NFATC1: variants seen among roughly 807,000 people sequenced by gnomAD.
NFATC1 encodes the protein nuclear factor of activated T cells 1, also known as nuclear factor of activated T-cells, cytoplasmic 1.
Under a neutral mutation model 76.0 loss-of-function variants are expected in NFATC1, and 22 were observed. The ratio of observed to expected loss-of-function variants is 0.29; its 90% confidence interval spans 0.21 to 0.41. The LOEUF (loss-of-function observed/expected upper bound fraction) is 0.41. Ranked by LOEUF, NFATC1 falls within the 10% of genes least tolerant of loss-of-function variation. The pLI is 1.00. For missense variants in NFATC1, 1,357 were observed against 1,337.7 expected (o/e 1.01, Z -0.23); for synonymous variants, 704 against 613.1 (o/e 1.15, Z -2.19).
chr18:79,522,727 G>C (rs1208473237), intron 9 of NFATC1, among the ~76,000 whole-genome samples: 2 of 152,152 alleles, frequency 1.3e-5, no homozygotes, highest in Non-Finnish European at 2.9e-5. Context: ...GGCCAGATTT[G>C]GAGGAGAGAG....
intron 9 of NFATC1, among the ~76,000 whole-genome samples, chr18:79,494,148 C>G (rs552199375): frequency 6.6e-6 from 1 of 152,258 alleles, no homozygotes; most frequent in African/African-American, 2.4e-5. Context: ...CGAGAAAACT[C>G]GCTGCCACCT....
At chr18:79,483,616 TC>T (rs1447070656) in intron 8 of NFATC1, among the ~76,000 whole-genome samples, 1 of 134,724 alleles carries the variant, frequency 7.4e-6, no homozygotes, top group Non-Finnish European at 1.6e-5. Flanking sequence ...GTGACCTCGT[TC>T]CTGGGGCGTC....
At chr18:79,506,301 C>G (rs2090120073) in intron 9 of NFATC1, among the ~76,000 whole-genome samples, 1 of 152,168 alleles carries the variant, frequency 6.6e-6, no homozygotes, top group African/African-American at 2.4e-5. Flanking sequence ...CAGCCCCTCC[C>G]TCCGTGGACA....
rs138284261 is a variant in NFATC1 at position 79,426,151 on chromosome 18, G to A, written c.1227-7428G>A. ...CGTGAGGCCACTGCACTCTAGCCTG[G>A]GTGACAGAGCGAGACCCTGTCTCAG... is the stretch of plus-strand genomic sequence containing the variant. On this transcript the variant is annotated intron_variant, in intron 2 of 9. Coordinates refer to ENST00000427363, the MANE Select transcript of NFATC1 (RefSeq NM_001278669.2). Among the ~76,000 whole-genome samples the A allele has an allele frequency of 1.2e-4, 19 of 152,264 alleles. No homozygotes were observed. The East Asian group carries it at 2.7e-3, about 22-fold the overall frequency.
chr18:79,516,724 C>T (rs1051807901), intron 9 of NFATC1, among the ~76,000 whole-genome samples: 9 of 152,162 alleles, frequency 5.9e-5, no homozygotes, highest in Non-Finnish European at 1.0e-4. Context: ...ACATGAGAGG[C>T]GGCCTCTTCA....
rs1015035188 is a variant in NFATC1, at chr18:79,528,536, A to G, written c.*959A>G. The G allele has an allele frequency of 2.0e-5, 3 of 152,186 alleles. No homozygotes were observed. Among genetic ancestry groups the G allele is most frequent in the African/African-American group, 4.8e-5 (2 of 41,438 alleles). The allele number at this position is 152,186 out of a possible 1,614,324, so 9.4% of individuals were successfully genotyped here. On this transcript the variant is annotated 3_prime_UTR_variant, in exon 10 of 10. Transcript: ENST00000427363. ...CCATCGCCGCCTCGGACGGCCGTGCATTTTCTCGTCTCACGCAGTTCGAGG... is the reference window on the plus strand; with the variant it reads ...CCATCGCCGCCTCGGACGGCCGTGCGTTTTCTCGTCTCACGCAGTTCGAGG...
intron 3 of NFATC1, among the ~76,000 whole-genome samples, chr18:79,439,559 G>A (rs906916449): frequency 7.9e-5 from 12 of 152,212 alleles, no homozygotes; most frequent in African/African-American, 2.2e-4. Context: ...GCGAATGACC[G>A]TCACTTCCCT....
At chr18:79,516,313 C>A (rs978465474) in intron 9 of NFATC1, among the ~76,000 whole-genome samples, 1 of 151,948 alleles carries the variant, frequency 6.6e-6, no homozygotes, top group African/African-American at 2.4e-5. Context: ...TGGCTTATTG[C>A]GATGAAAAAG....
At chr18:79,434,971 C>T (rs1292936542) in intron 3 of NFATC1, among the ~76,000 whole-genome samples, 1 of 152,216 alleles carries the variant, frequency 6.6e-6, no homozygotes, top group Non-Finnish European at 1.5e-5. Context: ...GCCCGTTTGA[C>T]ATTTAAAGTC....
chr18:79,424,871 ATC>A (rs2086243172), intron 2 of NFATC1, among the ~76,000 whole-genome samples: 1 of 84,438 alleles, frequency 1.2e-5, no homozygotes, highest in Non-Finnish European at 2.6e-5. Flanking sequence ...CTGTCTCTCC[ATC>A]TCTGTCTCTT....
intron 3 of NFATC1, among the ~76,000 whole-genome samples, chr18:79,438,384 G>A (rs890193608): frequency 9.8e-5 from 15 of 152,298 alleles, no homozygotes; most frequent in Middle Eastern, 3.4e-3. Context: ...CCCGGCCCTC[G>A]GCCTCCACCT....
intron 9 of NFATC1, among the ~76,000 whole-genome samples, chr18:79,512,702 C>T (rs1229097799): frequency 3.3e-5 from 5 of 152,240 alleles, no homozygotes; most frequent in Admixed American, 3.3e-4. Flanking sequence ...CACCTGTGCC[C>T]TCTGCTGCGC....
At chr18:79,429,194 C>T (rs2086498580) in intron 2 of NFATC1, among the ~76,000 whole-genome samples, 3 of 146,828 alleles carry the variant, frequency 2.0e-5, no homozygotes, top group Admixed American at 1.4e-4. Flanking sequence ...GCACTCCAGC[C>T]TGGGCCACAG....
intron 6 of NFATC1, 50 bp from the exon 7 acceptor site, chr18:79,461,261 G>C: frequency 6.2e-7 from 1 of 1,600,688 alleles, no homozygotes; most frequent in Non-Finnish European, 8.6e-7. Flanking sequence ...TCTGGGGAGG[G>C]GGCTCCCCAC....
chr18:79,521,409 GT>G (rs1286797571), intron 9 of NFATC1, among the ~76,000 whole-genome samples: 3 of 118,906 alleles, frequency 2.5e-5, no homozygotes, highest in South Asian at 3.2e-4. Context: ...CTGTGTGTGT[GT>G]GGGGGGCATC....
intron 2 of NFATC1, among the ~76,000 whole-genome samples, chr18:79,412,253 T>C (rs187159218): frequency 3.4e-4 from 52 of 152,312 alleles, no homozygotes; most frequent in African/African-American, 1.2e-3. Context: ...TGGTGGGCTG[T>C]GAGTGGCCCC....
chr18:79,521,351 C>T (rs2145219437), intron 9 of NFATC1, among the ~76,000 whole-genome samples: 1 of 88,812 alleles, frequency 1.1e-5, no homozygotes. Context: ...AGGGGGGGAG[C>T]ATCCACTGAT....
rs200207441 is a variant in NFATC1 at position 79,486,527 on chromosome 18, C to T, written c.2372C>T (p.Pro791Leu). The T allele has an allele frequency of 2.2e-3, 3,529 of 1,598,854 alleles. 39 individuals are homozygous for T. The highest frequency in any genetic ancestry group is 5.8e-3 in the Admixed American group (345 of 59,430). The change falls in exon 9 of 10, where the codon CCG becomes CTG. Residue 791 changes from proline to leucine, a missense_variant. Coordinates refer to ENST00000427363, the MANE Select transcript of NFATC1 (RefSeq NM_001278669.2). ...CCGGGCCACTGTCACCTCGGACTCC[C>T]GCAGCCGGCCGGAGAGGCCCCCGCC... Reference protein sequence around the residue: ...ASPGHCHLGLPQPAGEAPAVQ... With the variant: ...ASPGHCHLGLLQPAGEAPAVQ...
Position 79,463,321 on chromosome 18 carries a change from C to T in NFATC1, c.1959+1955C>T, listed in dbSNP as rs1009839826. 3.9e-4 allele frequency among the ~76,000 whole-genome samples: 60 copies of T among 152,138 alleles called. 1 individual carries two copies. Among genetic ancestry groups the T allele is most frequent in the Admixed American group, 3.2e-3 (49 of 15,278 alleles). On this transcript the variant is annotated intron_variant, in intron 7 of 9. Transcript: ENST00000427363. ...GGCCAGTGTTCAGAGGAAGGAGTCCCGGCCTACACGGCCCGTTGTCCGCAG... is the reference window on the plus strand; with the variant it reads ...GGCCAGTGTTCAGAGGAAGGAGTCCTGGCCTACACGGCCCGTTGTCCGCAG...
Sources: allele counts gnomAD v4.1 joint callset (sites outside exome capture counted in the v4.1 genomes callset), GRCh38; gene constraint gnomAD v4.1.1; transcripts MANE v1.5; gene names NCBI Gene and HGNC (gene_info 2026-07-23, HGNC 2026-07-21).